Variants in NFASC observed in about 807,000 individuals in gnomAD.
NFASC encodes the protein neurofascin homolog.
NFASC carries 43 observed loss-of-function variants against 147.5 expected under a neutral mutation model. That is an observed-to-expected ratio of 0.29 (90% CI 0.23 to 0.38). The LOEUF (loss-of-function observed/expected upper bound fraction) is 0.38. Ranked by LOEUF, NFASC falls within the 10% of genes least tolerant of loss-of-function variation. The probability of loss-of-function intolerance (pLI) is 1.00; values close to 1 mark genes in which losing one functional copy is unlikely to be tolerated. For synonymous variants in NFASC, 622 were observed against 665.5 expected (o/e 0.93, Z 1.01); for missense variants, 1,320 against 1,689.0 (o/e 0.78, Z 3.83).
intron 4 of NFASC, among the ~76,000 whole-genome samples, chr1:204,951,320 T>TG (rs1473386669): frequency 2.7e-5 from 4 of 148,112 alleles, no homozygotes; most frequent in African/African-American, 1.0e-4. Flanking sequence ...GGCTAATTTT[T>TG]TTTTTTTTTT....
chr1:204,973,150 T>C (rs2095307732), intron 11 of NFASC, 126 bp from the exon 12 acceptor site: 1 of 954,772 alleles, frequency 1.0e-6, no homozygotes, highest in African/African-American at 1.6e-5. Context: ...AGCCCTGTCA[T>C]CTGGCCCCCC....
At chr1:204,943,193 A>G (rs772621718) in intron 2 of NFASC, among the ~76,000 whole-genome samples, 2 of 152,250 alleles carry the variant, frequency 1.3e-5, no homozygotes, top group Non-Finnish European at 2.9e-5. Context: ...ACTTGCCACC[A>G]CAGTAGAATA....
At chr1:204,897,197 A>G (rs915803255) in intron 1 of NFASC, among the ~76,000 whole-genome samples, 1 of 152,176 alleles carries the variant, frequency 6.6e-6, no homozygotes, top group Non-Finnish European at 1.5e-5. Context: ...TAGGATATCA[A>G]GGAAGGCCTT....
chr1:204,893,868 G>A (rs2082882192), intron 1 of NFASC, among the ~76,000 whole-genome samples: 1 of 152,200 alleles, frequency 6.6e-6, no homozygotes, highest in Non-Finnish European at 1.5e-5. Flanking sequence ...AAGCTGGTGT[G>A]AATTATGTCA....
chr1:205,003,528 A>T (rs2595943), intron 27 of NFASC, among the ~76,000 whole-genome samples: 133,808 of 152,166 alleles, frequency 0.88, 60,702 homozygotes, highest in East Asian at 1. Context: ...GGTCTGAGTG[A>T]GTGTAGCTTT....
In NFASC at chr1:204,957,693, G is replaced by T. The variant is rs1455001499; in HGVS notation, c.573G>T (p.Gln191His). 1 of 1,614,024 alleles carries T rather than the reference G, an allele frequency of 6.2e-7. No individual in the cohort carries two copies. Among genetic ancestry groups the T allele is most frequent in the Non-Finnish European group, 8.5e-7 (1 of 1,180,028 alleles). ...EPITQDKRVS[Q>H]GHNGDLYFSN... ...TCACCCAAGACAAACGTGTCTCTCAGGGCCATAACGGAGACCTATACTTCT... is the reference window on the plus strand; with the variant it reads ...TCACCCAAGACAAACGTGTCTCTCATGGCCATAACGGAGACCTATACTTCT... Residue 191 changes from glutamine (Q) to histidine (H), a missense_variant, in exon 8 of 30, where the codon CAG (glutamine) becomes CAT (histidine). Gln to His is a conservative substitution (Grantham distance 24). This residue lies in a region of NFASC where 981 missense variants were observed against 1,289.5 expected (regional missense o/e 0.76). Transcript: ENST00000339876.
At chr1:204,841,392 C>T (rs750906585) in intron 1 of NFASC, among the ~76,000 whole-genome samples, 28 of 152,186 alleles carry the variant, frequency 1.8e-4, no homozygotes, top group Admixed American at 2.0e-4. Context: ...TGAGAAGCCT[C>T]CTTGTTTGGC....
chr1:204,926,407 T>TATATATATATATATATA (rs11373886), intron 2 of NFASC, among the ~76,000 whole-genome samples: 9 of 6,408 alleles, frequency 1.4e-3, no homozygotes, highest in African/African-American at 3.5e-3. Flanking sequence ...TATATATATA[T>TATATATATATATATATA]TTTTTTTTTT....
intron 8 of NFASC, among the ~76,000 whole-genome samples, chr1:204,961,380 T>G (rs144987396): frequency 1.3e-5 from 2 of 152,324 alleles, no homozygotes; most frequent in Non-Finnish European, 2.9e-5. Flanking sequence ...GCTTGCACTT[T>G]CTCCTGTCCC....
rs563016657 is a variant in NFASC, at chr1:204,906,839, C to A, written c.-199-13793C>A. On this transcript the variant is annotated intron_variant, in intron 1 of 29. Coordinates refer to ENST00000339876, the MANE Select transcript of NFASC (RefSeq NM_001005388.3). The stretch of plus-strand genomic sequence containing the variant: ...GCTGGGACTACAGGCACCCGCCACC[C>A]TGCCCGGCTAATTTTTTGTATTTTT... Among the ~76,000 whole-genome samples, 150 of 152,150 alleles carry A rather than the reference C, an allele frequency of 9.9e-4. 1 individual carries two copies. Among genetic ancestry groups the A allele is most frequent in the Admixed American group, 6.7e-3 (102 of 15,296 alleles).
At position 204,986,307 on chromosome 1, in the gene NFASC, C is replaced by T. The variant is rs2095613913; in HGVS notation, c.2471-1111C>T. On this transcript the variant is annotated intron_variant, in intron 21 of 29. Coordinates refer to ENST00000339876, the MANE Select transcript of NFASC (RefSeq NM_001005388.3). This position sits in a 1 kb window ranked among gnomAD's most constrained non-coding sequence, Gnocchi z 4.2. ...ACCATCGCCAAGGTGACCTGCCCTG[C>T]GAGGAGGTTGTATCTCAAGAGAAGA... Among the ~76,000 whole-genome samples the T allele has an allele frequency of 6.6e-6, 1 of 152,198 alleles. No homozygotes were observed. Among genetic ancestry groups the T allele is most frequent in the Non-Finnish European group, 1.5e-5 (1 of 68,026 alleles).
intron 1 of NFASC, among the ~76,000 whole-genome samples, chr1:204,836,036 G>A (rs544888521): frequency 2.0e-4 from 30 of 152,292 alleles, no homozygotes; most frequent in African/African-American, 7.0e-4. Flanking sequence ...TTTGGCAGTA[G>A]CATTTTAAAC....
chr1:204,920,843 C>T, intron 2 of NFASC, 103 bp downstream of exon 2: 3 of 484,080 alleles, frequency 6.2e-6, no homozygotes, highest in Non-Finnish European at 1.1e-5. Context: ...GCCTGTTTGC[C>T]TGGCCCCAGG....
intron 1 of NFASC, among the ~76,000 whole-genome samples, chr1:204,890,953 T>G (rs907096030): frequency 6.6e-6 from 1 of 152,244 alleles, no homozygotes; most frequent in Non-Finnish European, 1.5e-5. Flanking sequence ...GGTCTCACCC[T>G]GGTAGTGGGC....
chr1:204,905,443 C>T lies in NFASC; in HGVS notation c.-199-15189C>T, dbSNP rs112208704. The stretch of plus-strand genomic sequence containing the variant: ...TCGTTGTGGTTTTGATTTGCATTTC[C>T]CTAAAGATTAGTGACTTTGAACGTC... On this transcript the variant is annotated intron_variant, in intron 1 of 29. Transcript: ENST00000339876. Among the ~76,000 whole-genome samples, 1,369 of 152,054 alleles carry T rather than the reference C, an allele frequency of 9.0e-3. 22 individuals carry two copies. The highest frequency in any genetic ancestry group is 0.031 in the African/African-American group (1,287 of 41,478).
In NFASC at chr1:205,009,645, C is replaced by T. The variant is rs752622298; in HGVS notation, c.3378C>T (p.Leu1126=). Residue 1126 remains leucine (L), a synonymous_variant, in exon 28 of 30, where the codon CTC becomes CTT. Coordinates refer to ENST00000339876, the MANE Select transcript of NFASC (RefSeq NM_001005388.3). ...TCGCCCTCCTGGTGCTGATCCTGCT[C>T]ATCGTCTGTTTCATCAAGAGGAGTC... ...CAIALLVLIL[L]IVCFIKRSRG... is the part of the protein sequence containing the mutation. The T allele has an allele frequency of 1.9e-5, 31 of 1,614,016 alleles. No individual in the cohort carries two copies. The highest frequency in any genetic ancestry group is 2.1e-5 in the Non-Finnish European group (25 of 1,180,038).
chr1:204,901,797 G>A (rs1312065198), intron 1 of NFASC, among the ~76,000 whole-genome samples: 2 of 152,152 alleles, frequency 1.3e-5, no homozygotes, highest in Admixed American at 6.5e-5. Context: ...GAGACAGGAG[G>A]TAGAGGAGGA....
At chr1:205,000,290 C>T (rs1177914410) in intron 25 of NFASC, 2 of 152,136 alleles carry the variant, frequency 1.3e-5, no homozygotes, top group Non-Finnish European at 2.9e-5. Flanking sequence ...TACTTGGGCC[C>T]CTGAGATTCT....
intron 17 of NFASC, among the ~76,000 whole-genome samples, chr1:204,978,553 A>G (rs760349346): frequency 6.6e-6 from 1 of 152,166 alleles, no homozygotes; most frequent in Non-Finnish European, 1.5e-5. Flanking sequence ...AAAGTAGAGG[A>G]CAATTAATGT....
Sources: allele counts gnomAD v4.1 joint callset (sites outside exome capture counted in the v4.1 genomes callset), GRCh38; gene constraint gnomAD v4.1.1; regional missense constraint gnomAD v4.1.1; non-coding constraint Gnocchi (gnomAD v3.1); transcripts MANE v1.5; gene names NCBI Gene and HGNC (gene_info 2026-07-23, HGNC 2026-07-21).